Variants in DNAAF5 observed in about 807,000 individuals in gnomAD.
DNAAF5 encodes dynein axonemal assembly factor 5.
In DNAAF5, 64 loss-of-function variants were observed where a neutral mutation model predicts 75.8. The ratio of observed to expected loss-of-function variants is 0.84; its 90% CI spans 0.69 to 1.04. The LOEUF is 1.04. Among genes scored for constraint, DNAAF5 ranks in the 50% least tolerant of loss-of-function variants. The pLI is 0.00. For synonymous variants in DNAAF5, 657 were observed against 557.2 expected (o/e 1.18, Z -2.52); for missense variants, 1,269 against 1,178.5 (o/e 1.08, Z -1.12).
In DNAAF5 at chr7:740,824, G is replaced by A. The variant is rs780472166; in HGVS notation, c.786G>A (p.Arg262=). ...TCCCTTCCTCTCATGCGCAGGTCCG[G>A]CGGGCGGTGGCCTCCGTGGTGGGCG... The part of the protein sequence containing the change: ...QRLFDDVPQV[R]RAVASVVGGW... The change falls in exon 3 of 13, where the codon CGG becomes CGA. Residue 262 remains arginine, a synonymous_variant. Transcript: ENST00000297440. 6.2e-7 allele frequency: 1 copy of A among 1,613,766 alleles called. No homozygotes were observed. The highest frequency in any genetic ancestry group is 1.1e-5 in the South Asian group (1 of 91,076).
intron 1 of DNAAF5, among the ~76,000 whole-genome samples, chr7:729,193 G>A (rs901437879): frequency 6.6e-6 from 1 of 152,166 alleles, no homozygotes; most frequent in Non-Finnish European, 1.5e-5. Context: ...AATAGGAAGT[G>A]CAGTGGCTTT....
rs1304402318 is a variant in DNAAF5 at position 761,824 on chromosome 7, G to T, written c.1542G>T (p.Val514=). ...LVSVCHEDCG[V]ASLQLLDVLL... ...CTGTGTGTCATGAGGACTGTGGCGT[G>T]GCCAGCCTGCAGCTCTTGGACGTGC... Residue 514 remains valine (V), a synonymous_variant, in exon 7 of 13, where the codon GTG becomes GTT. Transcript: ENST00000297440. The T allele has an allele frequency of 6.2e-7, 1 of 1,606,944 alleles. No individual in the cohort carries two copies. The highest frequency in any genetic ancestry group is 1.3e-5 in the African/African-American group (1 of 74,880).
intron 4 of DNAAF5, among the ~76,000 whole-genome samples, chr7:751,251 G>C (rs1049612626): frequency 1.3e-5 from 2 of 152,116 alleles, no homozygotes; most frequent in African/African-American, 4.8e-5. Context: ...TAATTATTTG[G>C]AACTAATTCC....
rs1380634985 is a variant in DNAAF5, at chr7:740,760, C to T, written c.781-59C>T. 3.2e-5 allele frequency: 51 copies of T among 1,601,114 alleles called. 1 individual carries two copies. Among genetic ancestry groups the T allele is most frequent in the South Asian group, 6.7e-5 (6 of 90,178 alleles). On this transcript the variant is annotated intron_variant, in intron 2 of 12. Transcript: ENST00000297440. ...GGCAGCACTCAGAGCCGCACCGTGG[C>T]GTCAGCCCCGGCATCCCCTTTGCCT...
At chr7:743,668 G>A in intron 4 of DNAAF5, among the ~76,000 whole-genome samples, 1 of 130,418 alleles carries the variant, frequency 7.7e-6, no homozygotes, top group Non-Finnish European at 1.6e-5. Flanking sequence ...TTTTGAGACA[G>A]AGTTTCACTC....
chr7:729,604 A>C, intron 1 of DNAAF5, 59 bp from the exon 2 acceptor site: 34 of 1,530,918 alleles, frequency 2.2e-5, no homozygotes, highest in Non-Finnish European at 2.8e-5. Context: ...GGAAGCCCAC[A>C]GAGCTGGGCG....
chr7:771,402 C>T (rs954429508), intron 9 of DNAAF5: 1 of 152,314 alleles, frequency 6.6e-6, no homozygotes, highest in African/African-American at 2.4e-5. Context: ...TGGGTCCTAC[C>T]CCCGCCTGTG....
Position 734,380 on chromosome 7 carries a change from C to T in DNAAF5, c.780+4533C>T, listed in dbSNP as rs151139773. ...ACGTAGTTCTTGTCCTTCATTCTGC[C>T]GATATGATGTGTCACATTGATGGAT... On this transcript the variant is annotated intron_variant, in intron 2 of 12. Transcript: ENST00000297440. Among the ~76,000 whole-genome samples, 286 of 152,272 alleles carry T rather than the reference C, an allele frequency of 1.9e-3. 1 individual carries two copies. The highest frequency in any genetic ancestry group is 5.5e-3 in the African/African-American group (230 of 41,558).
intron 4 of DNAAF5, among the ~76,000 whole-genome samples, chr7:751,869 C>T (rs1280554486): frequency 1.3e-5 from 2 of 152,106 alleles, no homozygotes; most frequent in African/African-American, 4.8e-5. Context: ...CCACCGTGCC[C>T]GGCCTGAATT....
chr7:729,531 A>G (rs1267599632), intron 1 of DNAAF5, 132 bp from the exon 2 acceptor site: 1 of 792,020 alleles, frequency 1.3e-6, no homozygotes. Context: ...CTGTTCATGC[A>G]GCAAGGACCT....
chr7:740,965 G>C, intron 3 of DNAAF5, 22 bp downstream of exon 3: 1 of 1,609,532 alleles, frequency 6.2e-7, no homozygotes, highest in Non-Finnish European at 8.5e-7. Flanking sequence ...GGCGGCCGCG[G>C]GCCTTGTCTT....
chr7:734,667 C>A (rs892183891), intron 2 of DNAAF5, among the ~76,000 whole-genome samples: 11 of 152,200 alleles, frequency 7.2e-5, no homozygotes, highest in African/African-American at 2.7e-4. Context: ...GTTCTTTAAA[C>A]GTTTGATAAC....
In DNAAF5 at chr7:770,560, C is replaced by G. The variant is rs755392394; in HGVS notation, c.1873C>G (p.Leu625Val). 6.2e-7 allele frequency: 1 copy of G among 1,613,970 alleles called. No homozygotes were observed. Among genetic ancestry groups the G allele is most frequent in the Non-Finnish European group, 8.5e-7 (1 of 1,179,994 alleles). The change falls in exon 9 of 13, where the codon CTG (leucine) becomes GTG (valine). Residue 625 changes from leucine to valine, a missense_variant. Transcript: ENST00000297440. ...CCAAGACCCGCAGATGCGCCTGAAG[C>G]TGTTCTCCATCCTGTCCACCGTGCT... Reference protein sequence around the residue: ...PSQDPQMRLKLFSILSTVLLR... With the variant: ...PSQDPQMRLKVFSILSTVLLR...
chr7:780,154 C>T lies in DNAAF5; in HGVS notation c.2431+10C>T, dbSNP rs758947084. On this transcript the variant is annotated intron_variant, in intron 12 of 12. Coordinates refer to ENST00000297440, the MANE Select transcript of DNAAF5 (RefSeq NM_017802.4). ...CAGGATGCAATTTTAGGTGAGACTC[C>T]GACGGCTTGGCCTTCGTTCCGATGC... The T allele has an allele frequency of 2.7e-5, 44 of 1,611,600 alleles. 1 individual carries two copies. The highest frequency in any genetic ancestry group is 1.1e-4 in the African/African-American group (8 of 74,866).
At chr7:783,830 A>C (rs1318972744) in intron 12 of DNAAF5, among the ~76,000 whole-genome samples, 1 of 152,002 alleles carries the variant, frequency 6.6e-6, no homozygotes, top group Non-Finnish European at 1.5e-5. Flanking sequence ...TCTCAGCCTC[A>C]GCCTCACTCG....
chr7:737,003 A>T (rs1781759016), intron 2 of DNAAF5, among the ~76,000 whole-genome samples: 2 of 152,056 alleles, frequency 1.3e-5, no homozygotes, highest in Non-Finnish European at 2.9e-5. Flanking sequence ...CCTTAATTTT[A>T]TGCCCTCAGC....
At chr7:743,079 T>C (rs1380410007) in intron 4 of DNAAF5, among the ~76,000 whole-genome samples, 1 of 152,164 alleles carries the variant, frequency 6.6e-6, no homozygotes, top group African/African-American at 2.4e-5. Context: ...TAAAGTAGCT[T>C]CTTGGCCGGG....
At position 754,270 on chromosome 7, in the gene DNAAF5, A is replaced by G. The variant is rs926356346; in HGVS notation, c.1025-319A>G. Among the ~76,000 whole-genome samples, 1 of 152,166 alleles carries G rather than the reference A, an allele frequency of 6.6e-6. No homozygotes were observed. Among genetic ancestry groups the G allele is most frequent in the Non-Finnish European group, 1.5e-5 (1 of 68,030 alleles). ...CTCCTGCGTAGCTGGGACCACAGGCATGCACCACGGCACCTGGCTAATCTT... is the reference window on the plus strand; with the variant it reads ...CTCCTGCGTAGCTGGGACCACAGGCGTGCACCACGGCACCTGGCTAATCTT... On this transcript the variant is annotated intron_variant, in intron 4 of 12. Transcript: ENST00000297440. This position sits in a 1 kb window ranked among gnomAD's most constrained non-coding sequence, Gnocchi z 4.8.
At chr7:757,100 G>C in intron 6 of DNAAF5, 106 bp downstream of exon 6, 2 of 1,160,750 alleles carry the variant, frequency 1.7e-6, no homozygotes, top group African/African-American at 3.1e-5. Context: ...CGCCAGGCTG[G>C]GCTGTCGGAA....
Sources: gnomAD v4.1 joint callset for allele counts (sites outside exome capture counted in the v4.1 genomes callset) on GRCh38, gnomAD v4.1.1 for gene constraint, Gnocchi (gnomAD v3.1) non-coding constraint, MANE v1.5 for transcripts, NCBI Gene and HGNC (gene_info 2026-07-23, HGNC 2026-07-21) for gene names.